RAPGEF5: variants seen among roughly 807,000 people sequenced by gnomAD.
The protein encoded by RAPGEF5 is Rap guanine nucleotide exchange factor 5, also known as M-Ras-regulated GEF.
A neutral mutation model predicts 125.2 loss-of-function variants in RAPGEF5; 65 were observed. The ratio of observed to expected loss-of-function variants is 0.52; its 90% CI spans 0.43 to 0.64. The LOEUF (loss-of-function observed/expected upper bound fraction) is 0.64, where lower values mean the gene tolerates loss of function less well. Ranked by LOEUF, RAPGEF5 falls within the 30% of genes least tolerant of loss-of-function variation. The probability of loss-of-function intolerance (pLI) is 0.00; values close to 1 mark genes in which losing one functional copy is unlikely to be tolerated. For missense variants in RAPGEF5, 958 were observed against 1,048.1 expected, an observed-to-expected ratio of 0.91 and a Z score of 1.19; for synonymous variants, 391 against 385.9, an observed-to-expected ratio of 1.01 and a Z score of -0.16.
chr7:22,128,111 T>G (rs554737935), intron 24 of RAPGEF5, among the ~76,000 whole-genome samples: 3 of 152,320 alleles, frequency 2.0e-5, no homozygotes, highest in East Asian at 3.9e-4. Context: ...CAAACTGATG[T>G]AAGGCTGGGT....
At chr7:22,230,006 A>C (rs1786019834) in intron 8 of RAPGEF5, among the ~76,000 whole-genome samples, 1 of 152,250 alleles carries the variant, frequency 6.6e-6, no homozygotes, top group African/African-American at 2.4e-5. Flanking sequence ...TTTGAGAAAT[A>C]AAATTGCATT....
intron 9 of RAPGEF5, among the ~76,000 whole-genome samples, chr7:22,195,083 A>G (rs989623891): frequency 6.6e-6 from 1 of 152,224 alleles, no homozygotes; most frequent in African/African-American, 2.4e-5. Context: ...TCACCTCTTT[A>G]AAAAAGGCAC....
chr7:22,131,389 A>G (rs888995716), intron 23 of RAPGEF5, among the ~76,000 whole-genome samples: 4 of 152,230 alleles, frequency 2.6e-5, no homozygotes, highest in African/African-American at 9.6e-5. Context: ...AATATAAACT[A>G]AAGCTAGTCT....
intron 25 of RAPGEF5, among the ~76,000 whole-genome samples, chr7:22,123,322 G>A (rs759580105): frequency 6.6e-5 from 10 of 152,162 alleles, no homozygotes; most frequent in Non-Finnish European, 1.2e-4. Flanking sequence ...AGGCAAGCCC[G>A]TGCACCACAG....
At chr7:22,337,529 C>T (rs1784049071) in intron 1 of RAPGEF5, among the ~76,000 whole-genome samples, 1 of 152,088 alleles carries the variant, frequency 6.6e-6, no homozygotes, top group African/African-American at 2.4e-5. Context: ...AAACTTGTGG[C>T]CTTTTATTAG....
chr7:22,259,996 A>C (rs1361030441), intron 7 of RAPGEF5, among the ~76,000 whole-genome samples: 3 of 152,180 alleles, frequency 2.0e-5, no homozygotes, highest in African/African-American at 7.2e-5. Context: ...AGGCAGGAGA[A>C]TCGTTTGAAA....
chr7:22,251,257 T>G (rs1436673593), intron 7 of RAPGEF5, among the ~76,000 whole-genome samples: 1 of 152,184 alleles, frequency 6.6e-6, no homozygotes, highest in Non-Finnish European at 1.5e-5. Flanking sequence ...ATTCTAAAAA[T>G]AAATCATAGA....
intron 9 of RAPGEF5, among the ~76,000 whole-genome samples, chr7:22,219,293 C>T (rs1015294303): frequency 5.9e-5 from 9 of 151,952 alleles, no homozygotes; most frequent in African/African-American, 9.7e-5. Context: ...CCAAGCGGAA[C>T]GTCCCTTTCC....
At chr7:22,345,235 C>T (rs957837212) in intron 1 of RAPGEF5, among the ~76,000 whole-genome samples, 1 of 152,216 alleles carries the variant, frequency 6.6e-6, no homozygotes, top group African/African-American at 2.4e-5. Context: ...TGACTCTTAA[C>T]TTCCTCATGA....
chr7:22,153,471 G>C lies in RAPGEF5; in HGVS notation c.1786+984C>G, dbSNP rs34958326. Among the ~76,000 whole-genome samples the C allele has an allele frequency of 9.9e-3, 1,504 of 152,116 alleles. 10 individuals carry two copies. The highest frequency in any genetic ancestry group is 0.015 in the Non-Finnish European group (986 of 67,994). ...ATTAGAGCCCTGGGAGAGGTGGAGG[G>C]ATTCTTATGTATTAGGCCCAGGGAG... On this transcript the variant is annotated intron_variant, in intron 17 of 25. Transcript: ENST00000665637.
chr7:22,317,996 C>G lies in RAPGEF5; in HGVS notation c.273G>C (p.Thr91=), dbSNP rs560221683. The change falls in exon 2 of 26, where the codon ACG becomes ACC. Residue 91 remains threonine, a synonymous_variant. Coordinates refer to ENST00000665637, the MANE Select transcript of RAPGEF5 (RefSeq NM_012294.5). ...RRISNPYLEH[T]PSQIYGENSS... The stretch of plus-strand genomic sequence containing the variant: ...GAGAAAGGAATCATACCTGGGAAGG[C>G]GTATGTTCAAGGTACGGATTAGATA... 1 of 1,547,474 alleles carries G rather than the reference C, an allele frequency of 6.5e-7. No homozygotes were observed. The highest frequency in any genetic ancestry group is 8.7e-7 in the Non-Finnish European group (1 of 1,146,188).
intron 5 of RAPGEF5, among the ~76,000 whole-genome samples, chr7:22,307,724 G>A (rs1562520993): frequency 6.6e-6 from 1 of 152,160 alleles, no homozygotes; most frequent in Non-Finnish European, 1.5e-5. Context: ...GGACACTGAA[G>A]TGTTCTGCAT....
rs1783367106 is a variant in RAPGEF5, at chr7:22,307,404, CT to C, written c.680+934del. ...CAGTGCTCCTTTCAGCAATATGGAACTATAACCGGGTATTATGAGTGCTCAC... is the reference window on the plus strand; with the variant it reads ...CAGTGCTCCTTTCAGCAATATGGAACATAACCGGGTATTATGAGTGCTCAC... On this transcript the variant is annotated intron_variant, in intron 5 of 25. Coordinates refer to ENST00000665637, the MANE Select transcript of RAPGEF5 (RefSeq NM_012294.5). 3.3e-5 allele frequency among the ~76,000 whole-genome samples: 5 copies of C among 152,272 alleles called. No homozygotes were observed. The South Asian group carries it at 1.0e-3, about 32-fold the overall frequency.
intron 7 of RAPGEF5, among the ~76,000 whole-genome samples, chr7:22,265,830 T>C (rs1281910626): frequency 1.3e-5 from 2 of 152,200 alleles, no homozygotes; most frequent in Admixed American, 1.3e-4. Flanking sequence ...TCCTGCAATC[T>C]TTATTGATGT....
chr7:22,225,544 A>T (rs1222693254), intron 8 of RAPGEF5, among the ~76,000 whole-genome samples: 1 of 152,248 alleles, frequency 6.6e-6, no homozygotes, highest in African/African-American at 2.4e-5. Flanking sequence ...ATGCGGAAGC[A>T]TCATGCCAAA....
rs767951675 is a variant in RAPGEF5 at position 22,162,386 on chromosome 7, T to C, written c.1428+11A>G. The C allele has an allele frequency of 3.2e-6, 5 of 1,557,584 alleles. No homozygotes were observed. The highest frequency in any genetic ancestry group is 2.6e-6 in the Non-Finnish European group (3 of 1,133,244). On this transcript the variant is annotated intron_variant, in intron 13 of 25. Coordinates refer to ENST00000665637, the MANE Select transcript of RAPGEF5 (RefSeq NM_012294.5). ...TTTGGCATCAAAGAATATCTGGAAA[T>C]GTTTGATTACCTTTAAAAACATTTT...
chr7:22,150,363 T>C, intron 18 of RAPGEF5, 44 bp downstream of exon 18: 4 of 1,575,870 alleles, frequency 2.5e-6, no homozygotes, highest in Non-Finnish European at 3.4e-6. Flanking sequence ...ATGAGCCACC[T>C]CGCCTGGCCT....
At chr7:22,147,667 T>C (rs1783487656) in intron 18 of RAPGEF5, among the ~76,000 whole-genome samples, 1 of 152,220 alleles carries the variant, frequency 6.6e-6, no homozygotes, top group Non-Finnish European at 1.5e-5. Flanking sequence ...CCTTAAGATA[T>C]GGCATAAAAG....
rs1782656793 is a variant in RAPGEF5, at chr7:22,123,853, C to T, written c.2537-1332G>A. 2.0e-5 allele frequency among the ~76,000 whole-genome samples: 3 copies of T among 152,192 alleles called. No individual in the cohort carries two copies. The South Asian group carries it at 6.2e-4, about 32-fold the overall frequency. ...ATTTTCAAGCCTTAAAAAGATGGCA[C>T]AATGAATGGTTCTAACCATGGCAAC... is the stretch of plus-strand genomic sequence containing the variant. On this transcript the variant is annotated intron_variant, in intron 25 of 25. Coordinates refer to ENST00000665637, the MANE Select transcript of RAPGEF5 (RefSeq NM_012294.5).
Sources: allele counts gnomAD v4.1 joint callset (sites outside exome capture counted in the v4.1 genomes callset), GRCh38; gene constraint gnomAD v4.1.1; transcripts MANE v1.5; gene names NCBI Gene and HGNC (gene_info 2026-07-23, HGNC 2026-07-21).